The following CXXC4 variants were observed in gnomAD, a reference collection of about 807,000 sequenced individuals.
The protein encoded by CXXC4 is CXXC finger protein 4.
CXXC4 carries 5 observed loss-of-function variants against 20.5 expected under a neutral mutation model. The observed-to-expected ratio is 0.24, with a 90% confidence interval of 0.13 to 0.51. The LOEUF (loss-of-function observed/expected upper bound fraction) is 0.51, where lower values mean the gene tolerates loss of function less well. CXXC4 is among the 20% of genes least tolerant of loss of function. The probability of loss-of-function intolerance (pLI) is 0.97; values close to 1 mark genes in which losing one functional copy is unlikely to be tolerated. For missense variants in CXXC4, 419 were observed against 496.4 expected, an observed-to-expected ratio of 0.84 and a Z score of 1.48; for synonymous variants, 250 against 216.4, an observed-to-expected ratio of 1.16 and a Z score of -1.36.
chr4:104,494,317 G>C (rs1418027859), intron 1 of CXXC4, among the ~76,000 whole-genome samples: 2 of 152,112 alleles, frequency 1.3e-5, no homozygotes, highest in African/African-American at 4.8e-5. Flanking sequence ...TGGTCTACCA[G>C]AGACATAGAG....
chr4:104,493,532 A>T (rs1461356191), intron 1 of CXXC4, among the ~76,000 whole-genome samples: 1 of 152,218 alleles, frequency 6.6e-6, no homozygotes, highest in Non-Finnish European at 1.5e-5. Flanking sequence ...AGGTGCTCTA[A>T]AAAGAGGGGT....
chr4:104,492,826 A>G (rs1348933405), intron 1 of CXXC4, among the ~76,000 whole-genome samples: 3 of 151,764 alleles, frequency 2.0e-5, no homozygotes. Flanking sequence ...GTTCTACTTG[A>G]TTTTTTTTAA....
Position 104,491,106 on chromosome 4 carries a change from C to A in CXXC4, c.697G>T (p.Val233Leu), listed in dbSNP as rs746170519. 4 of 1,614,110 alleles carry A rather than the reference C, an allele frequency of 2.5e-6. No homozygotes were observed. Among genetic ancestry groups the A allele is most frequent in the Admixed American group, 1.7e-5 (1 of 60,028 alleles). Residue 233 changes from valine to leucine, a missense_variant, in exon 2 of 3, where the codon GTG (valine) becomes TTG (leucine). This residue lies in a region of CXXC4 where 388 missense variants were observed against 416.0 expected (regional missense o/e 0.93). Coordinates refer to ENST00000394767, the MANE Select transcript of CXXC4 (RefSeq NM_025212.4). Reference sequence around the variant, plus strand: ...GCCGGGATAGCGGAAAAAGTCCCCACGCGCTCGGGGAGATTCATTATCTCT... The same window carrying A: ...GCCGGGATAGCGGAAAAAGTCCCCAAGCGCTCGGGGAGATTCATTATCTCT... Reference protein sequence around the residue: ...EAEIMNLPERVGTFSAIPALG... With the variant: ...EAEIMNLPERLGTFSAIPALG...
At chr4:104,483,894 T>C (rs1314204333) in intron 2 of CXXC4, among the ~76,000 whole-genome samples, 7 of 152,032 alleles carry the variant, frequency 4.6e-5, no homozygotes, top group Non-Finnish European at 1.5e-5. Flanking sequence ...CCATATTGAC[T>C]GACTTCACTG....
At chr4:104,488,964 A>G (rs1390781840) in intron 2 of CXXC4, among the ~76,000 whole-genome samples, 2 of 152,226 alleles carry the variant, frequency 1.3e-5, no homozygotes, top group Non-Finnish European at 2.9e-5. Context: ...TCAAGAGGAA[A>G]AATAAAAGCC....
Position 104,491,433 on chromosome 4 carries a change from C to G in CXXC4, c.370G>C (p.Gly124Arg), listed in dbSNP as rs1354210110. The G allele has an allele frequency of 1.1e-6, 1 of 924,420 alleles. No homozygotes were observed. Among genetic ancestry groups the G allele is most frequent in the Non-Finnish European group, 1.3e-6 (1 of 742,192 alleles). 57.3% of individuals were successfully genotyped at this position (924,420 alleles called of 1,614,324 possible). ...GGGGGGGGGG[G>R]GGGGGGGGGG... ...CCACCACCCCCGCCCCCGCCTCCGC[C>G]GCCGCCGCCGCCGCCGCCACCCCCC... Residue 124 changes from glycine (G) to arginine (R), a missense_variant, in exon 2 of 3, where the codon GGC (glycine) becomes CGC (arginine). Physicochemically the swap from Gly to Arg is moderately radical, Grantham distance 125. Coordinates refer to ENST00000394767, the MANE Select transcript of CXXC4 (RefSeq NM_025212.4).
At chr4:104,494,204 C>G (rs1251617690) in intron 1 of CXXC4, among the ~76,000 whole-genome samples, 1 of 152,190 alleles carries the variant, frequency 6.6e-6, no homozygotes, top group African/African-American at 2.4e-5. Flanking sequence ...AAAACACACA[C>G]AAATAACTAT....
At chr4:104,490,462 C>T (rs563903391) in intron 2 of CXXC4, among the ~76,000 whole-genome samples, 27 of 152,314 alleles carry the variant, frequency 1.8e-4, no homozygotes, top group Admixed American at 6.5e-4. Context: ...AAATATTGAG[C>T]ATATTGAATG....
At chr4:104,488,379 T>C (rs1736748507) in intron 2 of CXXC4, among the ~76,000 whole-genome samples, 1 of 152,248 alleles carries the variant, frequency 6.6e-6, no homozygotes, top group South Asian at 2.1e-4. Context: ...CCTACAACCA[T>C]AACTGTGTAT....
chr4:104,474,977 G>T (rs918481104), intron 2 of CXXC4: 1 of 152,038 alleles, frequency 6.6e-6, no homozygotes, highest in African/African-American at 2.4e-5. Context: ...TAGTGTCAAA[G>T]GTCATTGTTG....
At chr4:104,482,658 T>G (rs551740707) in intron 2 of CXXC4, among the ~76,000 whole-genome samples, 5 of 152,132 alleles carry the variant, frequency 3.3e-5, no homozygotes, top group Non-Finnish European at 7.4e-5. Flanking sequence ...CATTTCCACA[T>G]GATTAAATTT....
At position 104,468,821 on chromosome 4, in the gene CXXC4, T is replaced by C. The variant is rs1204067620; in HGVS notation, c.*3501A>G. On this transcript the variant is annotated 3_prime_UTR_variant, in exon 3 of 3. Transcript: ENST00000394767. ...TTTGCTGAACATATTTGACCCTGAA[T>C]AGTGTGTTCATTTAACTGCTTTCCT... 6.6e-6 allele frequency: 1 copy of C among 152,066 alleles called. No homozygotes were observed. The highest frequency in any genetic ancestry group is 1.5e-5 in the Non-Finnish European group (1 of 67,976). The allele number at this position is 152,066 out of a possible 1,614,324, so 9.4% of individuals were successfully genotyped here.
chr4:104,482,308 A>C (rs915128864), intron 2 of CXXC4, among the ~76,000 whole-genome samples: 3 of 151,980 alleles, frequency 2.0e-5, no homozygotes, highest in Non-Finnish European at 4.4e-5. Context: ...ATCTAAAACC[A>C]CTCCACTTCA....
At chr4:104,490,299 A>T (rs1475080658) in intron 2 of CXXC4, among the ~76,000 whole-genome samples, 2 of 152,226 alleles carry the variant, frequency 1.3e-5, no homozygotes, top group Non-Finnish European at 2.9e-5. Context: ...TAATGAGAAC[A>T]GGCTTGTGTA....
At chr4:104,485,109 G>A (rs1578320251) in intron 2 of CXXC4, among the ~76,000 whole-genome samples, 1 of 152,030 alleles carries the variant, frequency 6.6e-6, no homozygotes, top group East Asian at 1.9e-4. Flanking sequence ...TTGAAAAGAA[G>A]TTTTTATAAA....
In CXXC4 at chr4:104,490,940, G is replaced by A. The variant is rs555311957; in HGVS notation, c.863C>T (p.Ser288Phe). 5 of 1,613,924 alleles carry A rather than the reference G, an allele frequency of 3.1e-6. No individual in the cohort carries two copies. Among genetic ancestry groups the A allele is most frequent in the East Asian group, 2.2e-5 (1 of 44,844 alleles). The part of the protein sequence containing the change: ...ADCPQNHSSS[S>F]SSSSGGAGGA... ...GCCAGCTCCCCCTGAGGAGGACGAG[G>A]AGGAGGAGGAATGATTCTGCGGGCA... Residue 288 changes from serine (S) to phenylalanine (F), a missense_variant, in exon 2 of 3, where the codon TCC becomes TTC. Coordinates refer to ENST00000394767, the MANE Select transcript of CXXC4 (RefSeq NM_025212.4).
At chr4:104,477,946 C>T (rs1287363838) in intron 2 of CXXC4, among the ~76,000 whole-genome samples, 1 of 152,052 alleles carries the variant, frequency 6.6e-6, no homozygotes, top group Non-Finnish European at 1.5e-5. Context: ...AAATTAAAAA[C>T]AACTTTCAAC....
chr4:104,482,434 C>G (rs747300696), intron 2 of CXXC4, among the ~76,000 whole-genome samples: 1 of 152,134 alleles, frequency 6.6e-6, no homozygotes, highest in Non-Finnish European at 1.5e-5. Context: ...GTAGAGCACA[C>G]AAAATATTTC....
rs1374072656 is a variant in CXXC4, at chr4:104,471,005, TA to T, written c.*1316del. 1.3e-5 allele frequency: 2 copies of T among 151,998 alleles called. No homozygotes were observed. Among genetic ancestry groups the T allele is most frequent in the Non-Finnish European group, 2.9e-5 (2 of 67,986 alleles). 9.4% of individuals were successfully genotyped at this position (151,998 alleles called of 1,614,324 possible). ...TGCATTTATGAAATTCCAGAGACTG[TA>T]GCCCTGCCTTCTCAGGAATGAAAGC... On this transcript the variant is annotated 3_prime_UTR_variant, in exon 3 of 3. Transcript: ENST00000394767.
Sources: gnomAD v4.1 joint callset for allele counts (sites outside exome capture counted in the v4.1 genomes callset) on GRCh38, gnomAD v4.1.1 for gene constraint, gnomAD v4.1.1 regional missense constraint, MANE v1.5 for transcripts, NCBI Gene and HGNC (gene_info 2026-07-23, HGNC 2026-07-21) for gene names.